PDE4D: variants seen among roughly 807,000 people sequenced by gnomAD.
PDE4D encodes phosphodiesterase 4D.
In PDE4D, 24 loss-of-function variants were observed where a neutral mutation model predicts 87.4. The observed-to-expected ratio is 0.27, with a 90% confidence interval of 0.20 to 0.39. PDE4D has a LOEUF of 0.39. Among genes scored for constraint, PDE4D ranks in the 10% least tolerant of loss-of-function variants. PDE4D has a pLI of 1.00. For synonymous variants in PDE4D, 384 were observed against 383.2 expected (o/e 1.00, Z -0.02); for missense variants, 714 against 1,041.0 (o/e 0.69, Z 4.32).
rs78400048 is a variant in PDE4D, at chr5:59,223,583, G to A, written c.456-7615C>T. 3.7e-3 allele frequency among the ~76,000 whole-genome samples: 564 copies of A among 152,152 alleles called. 6 individuals are homozygous for A. The highest frequency in any genetic ancestry group is 0.013 in the African/African-American group (526 of 41,502). On this transcript the variant is annotated intron_variant, in intron 1 of 14. Transcript: ENST00000340635. Reference sequence around the variant, plus strand: ...TATAATACTAAATATTTTACCCATTGTTATCAATATCACAAGGTTATGAAG... The same window carrying A: ...TATAATACTAAATATTTTACCCATTATTATCAATATCACAAGGTTATGAAG...
chr5:60,204,633 T>C (rs967119375), intron 1 of PDE4D, among the ~76,000 whole-genome samples: 4 of 146,996 alleles, frequency 2.7e-5, no homozygotes, highest in African/African-American at 9.7e-5. Context: ...AAATAACAAG[T>C]GGTAGAGGTG....
At chr5:60,318,993 G>A (rs1036273996) in intron 1 of PDE4D, among the ~76,000 whole-genome samples, 1 of 152,128 alleles carries the variant, frequency 6.6e-6, no homozygotes, top group African/African-American at 2.4e-5. Context: ...GAGTATCTTT[G>A]TAGCATTTTC....
At chr5:59,334,135 G>GT (rs1222755053) in intron 1 of PDE4D, among the ~76,000 whole-genome samples, 5 of 148,904 alleles carry the variant, frequency 3.4e-5, no homozygotes, top group Non-Finnish European at 5.9e-5. Flanking sequence ...AAATTTAATA[G>GT]TTTTTTTAAA....
chr5:60,223,914 A>G (rs1440400074), intron 1 of PDE4D, among the ~76,000 whole-genome samples: 1 of 152,112 alleles, frequency 6.6e-6, no homozygotes, highest in African/African-American at 2.4e-5. Context: ...CTGCCATATG[A>G]GGATATTCCC....
chr5:59,820,933 T>A (rs536609993), intron 1 of PDE4D, among the ~76,000 whole-genome samples: 6 of 152,184 alleles, frequency 3.9e-5, no homozygotes, highest in African/African-American at 1.4e-4. Flanking sequence ...AAGGGAAGTA[T>A]AATAAATGAA....
At chr5:60,319,722 G>T (rs1323832333) in intron 1 of PDE4D, among the ~76,000 whole-genome samples, 1 of 152,204 alleles carries the variant, frequency 6.6e-6, no homozygotes, top group Admixed American at 6.5e-5. Flanking sequence ...TCAGCTTCAG[G>T]TCTGTTGGAG....
intron 1 of PDE4D, among the ~76,000 whole-genome samples, chr5:59,304,374 G>C (rs1770865720): frequency 1.3e-5 from 2 of 151,956 alleles, no homozygotes; most frequent in Admixed American, 1.3e-4. Flanking sequence ...TTACCGATTT[G>C]GATGCCCTTT....
At chr5:59,307,695 C>A (rs369112971) in intron 1 of PDE4D, among the ~76,000 whole-genome samples, 3,818 of 150,344 alleles carry the variant, frequency 0.025, 155 homozygotes, top group African/African-American at 0.089. Context: ...GGCAATCATT[C>A]AAAAGTCAGG....
At chr5:59,872,875 C>T (rs376054877) in intron 1 of PDE4D, among the ~76,000 whole-genome samples, 322 of 152,064 alleles carry the variant, frequency 2.1e-3, no homozygotes, top group African/African-American at 7.4e-3. Flanking sequence ...AATATGGGTA[C>T]GCTCAATGAA....
chr5:59,206,262 C>T (rs901474375), intron 2 of PDE4D, among the ~76,000 whole-genome samples: 1 of 152,112 alleles, frequency 6.6e-6, no homozygotes, highest in African/African-American at 2.4e-5. Flanking sequence ...GGTTGATATT[C>T]CTTACTTGGT....
chr5:60,257,334 T>C (rs1749195928), intron 1 of PDE4D, among the ~76,000 whole-genome samples: 1 of 151,908 alleles, frequency 6.6e-6, no homozygotes, highest in Non-Finnish European at 1.5e-5. Flanking sequence ...CTCAAATCAT[T>C]TCTACACAAA....
intron 1 of PDE4D, among the ~76,000 whole-genome samples, chr5:60,395,952 T>A (rs1394376568): frequency 6.6e-6 from 1 of 152,056 alleles, no homozygotes; most frequent in Non-Finnish European, 1.5e-5. Flanking sequence ...CACACAAAGG[T>A]ACTCCGCTCA....
At chr5:59,738,025 C>T (rs1204204619) in intron 1 of PDE4D, among the ~76,000 whole-genome samples, 4 of 152,138 alleles carry the variant, frequency 2.6e-5, no homozygotes, top group Non-Finnish European at 4.4e-5. Flanking sequence ...TTATTATGCA[C>T]TTGCTACTGA....
intron 1 of PDE4D, among the ~76,000 whole-genome samples, chr5:59,286,092 A>G (rs1766899488): frequency 6.6e-6 from 1 of 152,170 alleles, no homozygotes; most frequent in Admixed American, 6.6e-5. Flanking sequence ...ATATCCATGT[A>G]CTGGATGAGA....
At position 59,482,049 on chromosome 5, in the gene PDE4D, T is replaced by C. The variant is rs556948268; in HGVS notation, c.456-266081A>G. Among the ~76,000 whole-genome samples, 261 of 151,658 alleles carry C rather than the reference T, an allele frequency of 1.7e-3. 1 individual carries two copies. The highest frequency in any genetic ancestry group is 3.4e-3 in the Non-Finnish European group (231 of 67,814). ...CTTCTTCAGGAAAAAAGAAAAATAA[T>C]AAAAAAAAATTTCTTTTCAACTCTC... On this transcript the variant is annotated intron_variant, in intron 1 of 14. Coordinates refer to ENST00000340635, the MANE Select transcript of PDE4D (RefSeq NM_001104631.2).
At chr5:59,131,050 A>G (rs1776182298) in intron 5 of PDE4D, among the ~76,000 whole-genome samples, 2 of 152,202 alleles carry the variant, frequency 1.3e-5, no homozygotes, top group African/African-American at 4.8e-5. Flanking sequence ...TCATCCAGCT[A>G]GAAGATGGCC....
intron 3 of PDE4D, among the ~76,000 whole-genome samples, chr5:59,928,925 A>C (rs1755581551): frequency 6.6e-6 from 1 of 150,724 alleles, no homozygotes; most frequent in African/African-American, 2.4e-5. Flanking sequence ...ATATATCCCT[A>C]CTCATTTCTG....
At chr5:59,757,296 C>A (rs1479432006) in intron 1 of PDE4D, among the ~76,000 whole-genome samples, 1 of 152,168 alleles carries the variant, frequency 6.6e-6, no homozygotes, top group Non-Finnish European at 1.5e-5. Flanking sequence ...AAAAGTCAGA[C>A]CACCAACTCA....
chr5:59,461,903 AG>A (rs1359986083), intron 1 of PDE4D, among the ~76,000 whole-genome samples: 1 of 152,172 alleles, frequency 6.6e-6, no homozygotes, highest in Non-Finnish European at 1.5e-5. Flanking sequence ...CCATTTTAAT[AG>A]GTCTTAATGC....
Sources: allele counts gnomAD v4.1 joint callset (sites outside exome capture counted in the v4.1 genomes callset), GRCh38; gene constraint gnomAD v4.1.1; transcripts MANE v1.5; gene names NCBI Gene and HGNC (gene_info 2026-07-23, HGNC 2026-07-21).